Variants in CHD5 observed in about 807,000 individuals in gnomAD.
CHD5 encodes the protein ATP-dependent chromatin remodeler CHD5.
Under a neutral mutation model 230.3 loss-of-function variants are expected in CHD5, and 69 were observed. The observed-to-expected ratio is 0.30, with a 90% CI of 0.25 to 0.37. CHD5 has a LOEUF of 0.37. CHD5 is among the 10% of genes least tolerant of loss of function. The probability of loss-of-function intolerance (pLI) is 1.00; values close to 1 mark genes in which losing one functional copy is unlikely to be tolerated. For synonymous variants in CHD5, 1,064 were observed against 1,065.9 expected (o/e 1.00, Z 0.03); for missense variants, 1,827 against 2,622.8 (o/e 0.70, Z 6.63).
In CHD5 at chr1:6,125,339, G is replaced by A. The variant is rs915761012; in HGVS notation, c.4261-106C>T. 3.1e-6 allele frequency: 4 copies of A among 1,273,384 alleles called. No homozygotes were observed. Among genetic ancestry groups the A allele is most frequent in the African/African-American group, 1.5e-5 (1 of 67,720 alleles). The allele number at this position is 1,273,384 out of a possible 1,614,324, so 78.9% of individuals were successfully genotyped here. ...CATGGGAGGAGGAGAAGGTAGGAAG[G>A]GGGCACAGAGAAGGCAGGGGCCTCC... is the stretch of plus-strand genomic sequence containing the variant. On this transcript the variant is annotated intron_variant, in intron 28 of 41. Coordinates refer to ENST00000262450, the MANE Select transcript of CHD5 (RefSeq NM_015557.3). This position sits in a 1 kb window ranked among gnomAD's most constrained non-coding sequence, Gnocchi z 6.7.
chr1:6,126,256 G>A lies in CHD5; in HGVS notation c.4078+316C>T, dbSNP rs1487155611. ...AGCGTTCCTGGCCCCCACCTCCCGG[G>A]GGGGTCCTGCACAGGGATGCCCCAA... On this transcript the variant is annotated intron_variant, in intron 26 of 41. Coordinates refer to ENST00000262450, the MANE Select transcript of CHD5 (RefSeq NM_015557.3). The surrounding 1 kb of genome is among the most constrained non-coding windows in gnomAD (Gnocchi z 5.7). Among the ~76,000 whole-genome samples the A allele has an allele frequency of 3.3e-5, 5 of 151,154 alleles. No individual in the cohort carries two copies. In the South Asian group the frequency reaches 8.4e-4, roughly 25 times the overall value.
chr1:6,111,983 C>A (rs923216059), intron 35 of CHD5, 100 bp from the exon 36 acceptor site: 5 of 1,371,784 alleles, frequency 3.6e-6, no homozygotes, highest in Non-Finnish European at 5.1e-6. Flanking sequence ...ACTGCCTCCA[C>A]CCCCAGAGGT....
rs772831691 is a variant in CHD5 at position 6,126,641 on chromosome 1, G to A, written c.4009C>T (p.Arg1337Cys). The A allele has an allele frequency of 8.7e-6, 14 of 1,613,950 alleles. No individual in the cohort carries two copies. The highest frequency in any genetic ancestry group is 1.1e-5 in the Non-Finnish European group (13 of 1,180,018). Residue 1337 changes from arginine (R) to cysteine (C), a missense_variant, in exon 26 of 42, where the codon CGC (arginine) becomes TGC (cysteine). This residue lies in a region of CHD5 where 137 missense variants were observed against 272.7 expected (regional missense o/e 0.50). Transcript: ENST00000262450. This position sits in a 1 kb window ranked among gnomAD's most constrained non-coding sequence, Gnocchi z 5.7. ...HYEQQQEDLA[R>C]NLGKGKRIRK... is the part of the protein sequence containing the mutation. Reference sequence around the variant, plus strand: ...ATGCGCTTGCCCTTGCCCAGGTTGCGGGCCAGGTCCTCCTGCTGCTGCTCA... The same window carrying A: ...ATGCGCTTGCCCTTGCCCAGGTTGCAGGCCAGGTCCTCCTGCTGCTGCTCA...
chr1:6,176,763 ATAC>A (rs1667432813), intron 1 of CHD5, among the ~76,000 whole-genome samples: 1 of 152,168 alleles, frequency 6.6e-6, no homozygotes. Flanking sequence ...CTATGTCCCC[ATAC>A]TACAAGTGGG....
intron 30 of CHD5, 38 bp from the exon 31 acceptor site, chr1:6,124,145 A>T: frequency 6.3e-7 from 1 of 1,589,930 alleles, no homozygotes; most frequent in Non-Finnish European, 8.6e-7. Context: ...GGAAAGAGGG[A>T]GGGCAGTGGT....
intron 30 of CHD5, 81 bp from the exon 31 acceptor site, chr1:6,124,188 A>G (rs1200015566): frequency 7.5e-7 from 1 of 1,324,742 alleles, no homozygotes; most frequent in Non-Finnish European, 1.0e-6. Flanking sequence ...CAGGGCAGCC[A>G]GGGGGGCTGA....
chr1:6,105,298 G>A lies in CHD5; in HGVS notation c.*176C>T. The stretch of plus-strand genomic sequence containing the variant: ...GGCACTTCTGGGCTCTGGCCCAGCT[G>A]AGCTGGGCCTCGTCCTCCATGTGAT... On this transcript the variant is annotated 3_prime_UTR_variant, in exon 42 of 42. Transcript: ENST00000262450. The surrounding 1 kb of genome is among the most constrained non-coding windows in gnomAD (Gnocchi z 4.8). The A allele has an allele frequency of 2.4e-6, 1 of 420,874 alleles. No homozygotes were observed. The highest frequency in any genetic ancestry group is 4.8e-6 in the Non-Finnish European group (1 of 206,706). 26.1% of individuals were successfully genotyped at this position (420,874 alleles called of 1,614,324 possible).
rs929900104 is a variant in CHD5 at position 6,146,312 on chromosome 1, T to C, written c.1702A>G (p.Arg568Gly). The C allele has an allele frequency of 6.2e-7, 1 of 1,614,064 alleles. No homozygotes were observed. Among genetic ancestry groups the C allele is most frequent in the Non-Finnish European group, 8.5e-7 (1 of 1,180,030 alleles). The change falls in exon 11 of 42, where the codon AGG becomes GGG. Residue 568 changes from arginine to glycine, a missense_variant. Around this residue, in one of 14 missense-constraint regions of CHD5, gnomAD observed 657 missense variants for 816.4 expected, o/e 0.80. Transcript: ENST00000262450. The surrounding 1 kb of genome is among the most constrained non-coding windows in gnomAD (Gnocchi z 5.1). Reference sequence around the variant, plus strand: ...GCATAGAGGGGGTCCTTGTTCTTCCTCTTCTCGCTCTTGCCGTCTTCATCC... The same window carrying C: ...GCATAGAGGGGGTCCTTGTTCTTCCCCTTCTCGCTCTTGCCGTCTTCATCC... ...SGDEDGKSEK[R>G]KNKDPLYAKM...
intron 1 of CHD5, among the ~76,000 whole-genome samples, chr1:6,179,149 T>G (rs1320510666): frequency 1.3e-5 from 2 of 151,814 alleles, no homozygotes; most frequent in Non-Finnish European, 2.9e-5. Context: ...CTGAGAGAGA[T>G]AAAAGGAGAG....
At chr1:6,153,762 C>T (rs188784115) in intron 5 of CHD5, among the ~76,000 whole-genome samples, 129 of 152,230 alleles carry the variant, frequency 8.5e-4, no homozygotes, top group African/African-American at 3.0e-3. Flanking sequence ...ACCCAGGAGG[C>T]GGAGGTTGCA....
chr1:6,163,900 A>G (rs1426179886), intron 2 of CHD5, among the ~76,000 whole-genome samples: 1 of 152,228 alleles, frequency 6.6e-6, no homozygotes, highest in Non-Finnish European at 1.5e-5. Flanking sequence ...GCGTGACTAC[A>G]GGGGACGCCC....
At chr1:6,135,510 G>C in intron 17 of CHD5, 107 bp from the exon 18 acceptor site, 1 of 958,380 alleles carries the variant, frequency 1.0e-6, no homozygotes, top group Non-Finnish European at 1.5e-6. Context: ...GAACCAGGGA[G>C]CCCTGGCATT....
At chr1:6,158,462 T>C (rs1442516840) in intron 3 of CHD5, among the ~76,000 whole-genome samples, 2 of 152,248 alleles carry the variant, frequency 1.3e-5, no homozygotes, top group Admixed American at 6.5e-5. Context: ...AAGAGGTTCC[T>C]GACACTAAAC....
chr1:6,143,802 T>G, intron 13 of CHD5, 21 bp downstream of exon 13: 83 of 1,272,146 alleles, frequency 6.5e-5, no homozygotes, highest in Non-Finnish European at 9.1e-5. Flanking sequence ...CACCCACTGC[T>G]GCCCCACCCT....
Position 6,154,699 on chromosome 1 carries a change from G to A in CHD5, c.706C>T (p.Pro236Ser). The stretch of plus-strand genomic sequence containing the variant: ...GTCTTGGCCTTGCGGATAGGCACAG[G>A]CTGGGGCACCTGCGGGGGGCTGACG... ...LAVSPPQVPQPVPIRKAKTKE... is the reference protein window; with the variant it reads ...LAVSPPQVPQSVPIRKAKTKE... Residue 236 changes from proline to serine, a missense_variant, in exon 5 of 42, where the codon CCT (proline) becomes TCT (serine). By Grantham distance (74) the Pro-to-Ser change is moderately conservative. This residue lies in a region of CHD5 where 657 missense variants were observed against 816.4 expected (regional missense o/e 0.80). Transcript: ENST00000262450. This position sits in a 1 kb window ranked among gnomAD's most constrained non-coding sequence, Gnocchi z 7.0. 2 of 1,599,784 alleles carry A rather than the reference G, an allele frequency of 1.3e-6. No individual in the cohort carries two copies. Among genetic ancestry groups the A allele is most frequent in the Non-Finnish European group, 1.7e-6 (2 of 1,171,924 alleles).
rs182540139 is a variant in CHD5, at chr1:6,153,659, G to A, written c.745+1001C>T. 6.6e-5 allele frequency among the ~76,000 whole-genome samples: 10 copies of A among 152,200 alleles called. No individual in the cohort carries two copies. The East Asian group carries it at 1.4e-3, about 21-fold the overall frequency. On this transcript the variant is annotated intron_variant, in intron 5 of 41. Transcript: ENST00000262450. ...AGCCTGGCCAACACGGTGAAACCCC[G>A]TCTCTACTAAAAATACAAAAAATTA...
At position 6,146,150 on chromosome 1, in the gene CHD5, G is replaced by A. The variant is rs1666907235; in HGVS notation, c.1802+62C>T. ...CCCTGCGCTGCACCCATTTTACAGG[G>A]CAAAGAAGCTGACGTGGCCCGGCCC... On this transcript the variant is annotated intron_variant, in intron 11 of 41. Transcript: ENST00000262450. This position sits in a 1 kb window ranked among gnomAD's most constrained non-coding sequence, Gnocchi z 5.1. 6.5e-7 allele frequency: 1 copy of A among 1,541,180 alleles called. No homozygotes were observed. Among genetic ancestry groups the A allele is most frequent in the Admixed American group, 1.7e-5 (1 of 59,096 alleles).
intron 2 of CHD5, among the ~76,000 whole-genome samples, chr1:6,162,060 G>A (rs1439477655): frequency 1.3e-5 from 2 of 152,208 alleles, no homozygotes; most frequent in Non-Finnish European, 2.9e-5. Flanking sequence ...GGGAATGCCA[G>A]AAAGGATAGA....
intron 2 of CHD5, among the ~76,000 whole-genome samples, chr1:6,162,120 G>A (rs370814981): frequency 5.9e-5 from 9 of 152,116 alleles, no homozygotes; most frequent in Admixed American, 2.0e-4. Flanking sequence ...GGTGACTCAC[G>A]CTTGAAATCC....
Sources: gnomAD v4.1 joint callset for allele counts (sites outside exome capture counted in the v4.1 genomes callset) on GRCh38, gnomAD v4.1.1 for gene constraint, gnomAD v4.1.1 regional missense constraint, Gnocchi (gnomAD v3.1) non-coding constraint, MANE v1.5 for transcripts, NCBI Gene and HGNC (gene_info 2026-07-23, HGNC 2026-07-21) for gene names.